The following ABR variants were observed in gnomAD, a reference collection of about 807,000 sequenced individuals.
ABR encodes ABR activator of RhoGEF and GTPase, also known as active breakpoint cluster region-related protein.
Under a neutral mutation model 107.2 loss-of-function variants are expected in ABR, and 35 were observed. That is an observed-to-expected ratio of 0.33 (90% CI 0.25 to 0.43). The LOEUF (loss-of-function observed/expected upper bound fraction) is 0.43. Among genes scored for constraint, ABR ranks in the 20% least tolerant of loss-of-function variants. The pLI, the probability that ABR is intolerant of heterozygous loss-of-function variation, is 1.00. For missense variants in ABR, 815 were observed against 1,115.2 expected (o/e 0.73, Z 3.83); for synonymous variants, 498 against 462.0 (o/e 1.08, Z -1.00).
chr17:1,020,469 G>C (rs1303434993), intron 16 of ABR, among the ~76,000 whole-genome samples: 1 of 152,200 alleles, frequency 6.6e-6, no homozygotes, highest in Non-Finnish European at 1.5e-5. Flanking sequence ...GCTGGCGCTG[G>C]GGGCTCATGT....
At chr17:1,100,877 A>G (rs1385845297) in intron 2 of ABR, 142 bp from the exon 3 acceptor site, 2 of 748,050 alleles carry the variant, frequency 2.7e-6, no homozygotes, top group East Asian at 2.6e-5. Flanking sequence ...AGGCTGAAGT[A>G]AAGTGGCACA....
In ABR at chr17:1,030,223, C is replaced by T. The variant is rs182278329; in HGVS notation, c.1792-17059G>A. 1.5e-3 allele frequency among the ~76,000 whole-genome samples: 232 copies of T among 152,336 alleles called. 1 individual carries two copies. Among genetic ancestry groups the T allele is most frequent in the Non-Finnish European group, 2.6e-3 (176 of 68,040 alleles). On this transcript the variant is annotated intron_variant, in intron 16 of 22. Transcript: ENST00000302538. The stretch of plus-strand genomic sequence containing the variant: ...TAGGGAAAGAACTGAAAGTCTGGGA[C>T]CTCAGGTTTAAAAGTTGCCCCCTGC...
intron 6 of ABR, 109 bp from the exon 7 acceptor site, chr17:1,073,786 C>T (rs2035453383): frequency 1.0e-6 from 1 of 964,526 alleles, no homozygotes; most frequent in Non-Finnish European, 1.5e-6. Flanking sequence ...CGTGAACACC[C>T]CTCGAGGGAC....
In ABR at chr17:1,157,435, G is replaced by A. The variant is rs1255921766; in HGVS notation, c.61+22232C>T. On this transcript the variant is annotated intron_variant, in intron 1 of 22. Transcript: ENST00000302538. The surrounding 1 kb of genome is among the most constrained non-coding windows in gnomAD (Gnocchi z 4.7). ...CCGGCTAATTTTTATATTTTTAATA[G>A]AGACAGGGTCTCACCATGTTGGCCA... Among the ~76,000 whole-genome samples the A allele has an allele frequency of 1.3e-5, 2 of 152,042 alleles. No individual in the cohort carries two copies. Among genetic ancestry groups the A allele is most frequent in the Non-Finnish European group, 2.9e-5 (2 of 68,004 alleles).
chr17:1,143,979 C>G (rs1297727194), intron 1 of ABR, among the ~76,000 whole-genome samples: 1 of 152,098 alleles, frequency 6.6e-6, no homozygotes, highest in East Asian at 1.9e-4. Context: ...GGGAGGTTGT[C>G]AAAGTAGCTA....
intron 2 of ABR, among the ~76,000 whole-genome samples, chr17:1,113,622 C>T (rs977134226): frequency 2.6e-5 from 4 of 152,160 alleles, no homozygotes; most frequent in African/African-American, 9.7e-5. Context: ...TAAACGTCAC[C>T]TCCTCCAGGG....
chr17:1,147,168 G>A (rs938944785), intron 1 of ABR, among the ~76,000 whole-genome samples: 1 of 152,170 alleles, frequency 6.6e-6, no homozygotes, highest in Non-Finnish European at 1.5e-5. Context: ...ATTACACACA[G>A]CTCTTTCTCC....
chr17:1,016,432 T>A (rs1382294661), intron 16 of ABR, among the ~76,000 whole-genome samples: 1 of 151,284 alleles, frequency 6.6e-6, no homozygotes, highest in African/African-American at 2.4e-5. Context: ...TTCTCCTGCC[T>A]CAGCCTCCCG....
chr17:1,031,782 G>A (rs2072797643), intron 16 of ABR: 9 of 1,231,540 alleles, frequency 7.3e-6, no homozygotes, highest in Non-Finnish European at 9.1e-6. Flanking sequence ...GAAGGCGCCT[G>A]TGGAGCGCTC....
In ABR at chr17:1,084,143, C is replaced by T. The variant is rs1367788862; in HGVS notation, c.532-516G>A. Reference sequence around the variant, plus strand: ...GCGTGGCGGCTCACGCCTGTAACCCCAGCACTTTGGGAGGCCTGAGGTCAG... The same window carrying T: ...GCGTGGCGGCTCACGCCTGTAACCCTAGCACTTTGGGAGGCCTGAGGTCAG... On this transcript the variant is annotated intron_variant, in intron 4 of 22. Coordinates refer to ENST00000302538, the MANE Select transcript of ABR (RefSeq NM_021962.5). The surrounding 1 kb of genome is among the most constrained non-coding windows in gnomAD (Gnocchi z 4.2). Among the ~76,000 whole-genome samples, 1 of 152,226 alleles carries T rather than the reference C, an allele frequency of 6.6e-6. No homozygotes were observed. Among genetic ancestry groups the T allele is most frequent in the Non-Finnish European group, 1.5e-5 (1 of 68,038 alleles).
At chr17:1,020,244 G>A (rs764193951) in intron 16 of ABR, among the ~76,000 whole-genome samples, 13 of 152,150 alleles carry the variant, frequency 8.5e-5, no homozygotes, top group East Asian at 1.9e-4. Context: ...CACCACGCCC[G>A]GCTAATTTTT....
chr17:1,114,601 C>T (rs977788073), intron 2 of ABR, among the ~76,000 whole-genome samples: 5 of 151,938 alleles, frequency 3.3e-5, no homozygotes, highest in African/African-American at 7.3e-5. Flanking sequence ...GGTGAAACCC[C>T]GTCTCTACTA....
rs759120787 is a variant in ABR at position 1,069,959 on chromosome 17, A to T, written c.1016+10T>A. 1 of 1,545,468 alleles carries T rather than the reference A, an allele frequency of 6.5e-7. No individual in the cohort carries two copies. The highest frequency in any genetic ancestry group is 1.8e-5 in the Admixed American group (1 of 55,706). ...TCCCCCGCCCCGTGCCCCTGGACTC[A>T]CACACTCACCCTGCAGAGGTCTTCT... is the stretch of plus-strand genomic sequence containing the variant. On this transcript the variant is annotated intron_variant, in intron 9 of 22. Coordinates refer to ENST00000302538, the MANE Select transcript of ABR (RefSeq NM_021962.5).
In ABR at chr17:1,050,667, G is replaced by C. The variant is rs754888341; in HGVS notation, c.1562-33C>G. ...GGAAGGACAGACGGAGATACTGAGT[G>C]AGTGGGGCCAGGGTGGGGCAGCTGG... is the stretch of plus-strand genomic sequence containing the variant. On this transcript the variant is annotated intron_variant, in intron 14 of 22. Coordinates refer to ENST00000302538, the MANE Select transcript of ABR (RefSeq NM_021962.5). This position sits in a 1 kb window ranked among gnomAD's most constrained non-coding sequence, Gnocchi z 4.6. The C allele has an allele frequency of 6.3e-7, 1 of 1,586,540 alleles. No homozygotes were observed. The highest frequency in any genetic ancestry group is 8.7e-7 in the Non-Finnish European group (1 of 1,155,806).
chr17:1,014,700 G>C (rs1328597388), intron 16 of ABR, among the ~76,000 whole-genome samples: 1 of 151,612 alleles, frequency 6.6e-6, no homozygotes, highest in Non-Finnish European at 1.5e-5. Context: ...CAAAAAATTA[G>C]CCGGGCGCGG....
At position 1,082,422 on chromosome 17, in the gene ABR, G is replaced by A. The variant is rs182821969; in HGVS notation, c.639+1098C>T. Among the ~76,000 whole-genome samples, 46 of 152,156 alleles carry A rather than the reference G, an allele frequency of 3.0e-4. No individual in the cohort carries two copies. In the East Asian group the frequency reaches 7.0e-3, roughly 23 times the overall value. On this transcript the variant is annotated intron_variant, in intron 5 of 22. Transcript: ENST00000302538. Reference sequence around the variant, plus strand: ...GGCTGGGCCTCAGGAGCAGAAGCACGCGTGTTCCCAGCCAGGAAGGCTGGG... The same window carrying A: ...GGCTGGGCCTCAGGAGCAGAAGCACACGTGTTCCCAGCCAGGAAGGCTGGG...
intron 12 of ABR, 129 bp downstream of exon 12, chr17:1,057,841 C>A: frequency 1.3e-6 from 1 of 778,356 alleles, no homozygotes; most frequent in Non-Finnish European, 2.2e-6. Flanking sequence ...CTTAAACGCT[C>A]ACCCTGGCAC....
Position 1,003,748 on chromosome 17 carries a change from G to A in ABR, c.*2332C>T, listed in dbSNP as rs576824575. 1.1e-4 allele frequency: 17 copies of A among 152,552 alleles called. No individual in the cohort carries two copies. Among genetic ancestry groups the A allele is most frequent in the African/African-American group, 3.6e-4 (15 of 41,580 alleles). The allele number at this position is 152,552 out of a possible 1,614,324, so 9.4% of individuals were successfully genotyped here. A position where few individuals can be genotyped will look rare whatever the true frequency, so the allele number is the denominator to read the frequency against. On this transcript the variant is annotated 3_prime_UTR_variant, in exon 23 of 23. Transcript: ENST00000302538. Reference sequence around the variant, plus strand: ...CCCAGCAAGAACAGGCAGACCTGGCGTTTCTTAGCCTGACTCCTGCTGGGC... The same window carrying A: ...CCCAGCAAGAACAGGCAGACCTGGCATTTCTTAGCCTGACTCCTGCTGGGC...
chr17:1,031,342 C>G (rs1426577065), intron 16 of ABR, among the ~76,000 whole-genome samples: 1 of 152,192 alleles, frequency 6.6e-6, no homozygotes, highest in East Asian at 1.9e-4. Context: ...GCAGGGTCCA[C>G]CTGCCGAGAA....
Sources: allele counts gnomAD v4.1 joint callset (sites outside exome capture counted in the v4.1 genomes callset), GRCh38; gene constraint gnomAD v4.1.1; non-coding constraint Gnocchi (gnomAD v3.1); transcripts MANE v1.5; gene names NCBI Gene and HGNC (gene_info 2026-07-23, HGNC 2026-07-21).